ERBIN: variants seen among roughly 807,000 people sequenced by gnomAD.
ERBIN encodes erbb2 interacting protein.
In ERBIN, 60 loss-of-function variants were observed where a neutral mutation model predicts 158.4. That is an observed-to-expected ratio of 0.38 (90% CI 0.31 to 0.47). The LOEUF (loss-of-function observed/expected upper bound fraction) is 0.47. Ranked by LOEUF, ERBIN falls within the 20% of genes least tolerant of loss-of-function variation. ERBIN has a pLI of 0.99. For synonymous variants in ERBIN, 594 were observed against 557.2 expected, an observed-to-expected ratio of 1.07 and a Z score of -0.93; for missense variants, 1,610 against 1,648.0, an observed-to-expected ratio of 0.98 and a Z score of 0.40.
intron 1 of ERBIN, among the ~76,000 whole-genome samples, chr5:65,942,370 C>T (rs1745160300): frequency 6.6e-6 from 1 of 152,040 alleles, no homozygotes; most frequent in South Asian, 2.1e-4. Flanking sequence ...ATACTATTTC[C>T]CAAAGATTTT....
chr5:66,007,912 G>T (rs1022632018), intron 4 of ERBIN, among the ~76,000 whole-genome samples: 1 of 152,184 alleles, frequency 6.6e-6, no homozygotes, highest in Non-Finnish European at 1.5e-5. Flanking sequence ...ACCTACAAAT[G>T]TATGTGGTAG....
chr5:66,023,878 C>T (rs900765552), intron 9 of ERBIN, among the ~76,000 whole-genome samples: 7 of 151,910 alleles, frequency 4.6e-5, no homozygotes, highest in Admixed American at 3.3e-4. Context: ...GGGATTTCAC[C>T]GTGTTAGCCA....
chr5:66,043,092 A>T lies in ERBIN; in HGVS notation c.1322A>T (p.Asp441Val). The change falls in exon 16 of 26, where the codon GAT becomes GTT. Residue 441 changes from aspartate to valine, a missense_variant. Physicochemically the swap from Asp to Val is radical, Grantham distance 152 (BLOSUM62 -3). Transcript: ENST00000284037. The stretch of plus-strand genomic sequence containing the variant: ...TTTTCTCTAGTTATGTTTATATCAG[A>T]TAATGAAAGTTTTAACCCTTCATTG... ...PRTEDVMFIS[D>V]NESFNPSLWE... is the part of the protein sequence containing the mutation. 6.2e-7 allele frequency: 1 copy of T among 1,602,526 alleles called. No homozygotes were observed. Among genetic ancestry groups the T allele is most frequent in the Non-Finnish European group, 8.5e-7 (1 of 1,170,552 alleles).
intron 14 of ERBIN, among the ~76,000 whole-genome samples, chr5:66,029,903 TC>T (rs372469581): frequency 6.6e-6 from 1 of 152,314 alleles, no homozygotes; most frequent in East Asian, 1.9e-4. Flanking sequence ...GGGTCCTGTT[TC>T]TTACCTAGCC....
At chr5:66,030,339 G>A (rs1036418651) in intron 14 of ERBIN, among the ~76,000 whole-genome samples, 2 of 152,140 alleles carry the variant, frequency 1.3e-5, no homozygotes, top group Non-Finnish European at 2.9e-5. Flanking sequence ...ACCACGCCCA[G>A]CTTTACTGGA....
chr5:66,050,873 C>A lies in ERBIN; in HGVS notation c.1994C>A (p.Ser665Tyr). ...NSNCSSPSRM[S>Y]DSVSLNTDSS... Reference sequence around the variant, plus strand: ...AATTGTTCTTCTCCATCTCGGATGTCTGATTCAGTTTCTCTTAATACTGAT... The same window carrying A: ...AATTGTTCTTCTCCATCTCGGATGTATGATTCAGTTTCTCTTAATACTGAT... Residue 665 changes from serine to tyrosine, a missense_variant, in exon 20 of 26, where the codon TCT (serine) becomes TAT (tyrosine). This residue lies in a region of ERBIN where 1,014 missense variants were observed against 936.1 expected (regional missense o/e 1.08). Coordinates refer to ENST00000284037, the MANE Select transcript of ERBIN (RefSeq NM_001253697.2). The A allele has an allele frequency of 6.2e-7, 1 of 1,605,088 alleles. No individual in the cohort carries two copies. Among genetic ancestry groups the A allele is most frequent in the South Asian group, 1.1e-5 (1 of 89,450 alleles).
chr5:65,968,213 A>AT (rs1386287157), intron 1 of ERBIN, among the ~76,000 whole-genome samples: 1 of 152,184 alleles, frequency 6.6e-6, no homozygotes, highest in Non-Finnish European at 1.5e-5. Flanking sequence ...TTGGTTAGGG[A>AT]TTAAGTTCTA....
At chr5:65,973,081 T>TA (rs1211429918) in intron 1 of ERBIN, among the ~76,000 whole-genome samples, 1 of 150,730 alleles carries the variant, frequency 6.6e-6, no homozygotes, top group Non-Finnish European at 1.5e-5. Context: ...TATGCAGCCA[T>TA]AAAAAAGGAT....
chr5:65,941,317 A>C lies in ERBIN; in HGVS notation c.-58+14511A>C, dbSNP rs1311969771. 6.5e-5 allele frequency among the ~76,000 whole-genome samples: 3 copies of C among 45,962 alleles called. 1 individual carries two copies. Among genetic ancestry groups the C allele is most frequent in the African/African-American group, 2.5e-4 (3 of 11,868 alleles). The allele number at this position is 45,962 out of a possible 152,430, so 30.2% of individuals were successfully genotyped here. On this transcript the variant is annotated intron_variant, in intron 1 of 25. Coordinates refer to ENST00000284037, the MANE Select transcript of ERBIN (RefSeq NM_001253697.2). ...GAAACACCCAAGAATGATCAATAAA[A>C]AAAAAAAAAAAAAAAGAACAATACA...
At position 66,075,176 on chromosome 5, in the gene ERBIN, A is replaced by T. The variant is rs920833018; in HGVS notation, c.3909A>T (p.Pro1303=). 1.9e-6 allele frequency: 3 copies of T among 1,614,210 alleles called. No homozygotes were observed. The highest frequency in any genetic ancestry group is 2.5e-6 in the Non-Finnish European group (3 of 1,180,026). Residue 1303 remains proline (P), a synonymous_variant, in exon 23 of 26, where the codon CCA becomes CCT. Coordinates refer to ENST00000284037, the MANE Select transcript of ERBIN (RefSeq NM_001253697.2). The stretch of plus-strand genomic sequence containing the variant: ...TGCTGAAAGTGGCCCACCAGCCTCC[A>T]TATACACAGCCCCATTGTTCTCCTA... ...YLMLKVAHQP[P]YTQPHCSPRQ...
chr5:66,079,038 G>A lies in ERBIN; in HGVS notation c.*508G>A, dbSNP rs1379292395. The stretch of plus-strand genomic sequence containing the variant: ...ATGTGCATATTGAATTGAAGAGTGA[G>A]TAGGTGAAGGTGGTGCTGGTGGGTT... On this transcript the variant is annotated 3_prime_UTR_variant, in exon 26 of 26. Coordinates refer to ENST00000284037, the MANE Select transcript of ERBIN (RefSeq NM_001253697.2). 1 of 153,436 alleles carries A rather than the reference G, an allele frequency of 6.5e-6. No individual in the cohort carries two copies. Among genetic ancestry groups the A allele is most frequent in the Admixed American group, 6.5e-5 (1 of 15,338 alleles). 9.5% of individuals were successfully genotyped at this position (153,436 alleles called of 1,614,324 possible).
chr5:66,040,518 G>A (rs936542941), intron 15 of ERBIN, among the ~76,000 whole-genome samples: 1 of 151,860 alleles, frequency 6.6e-6, no homozygotes, highest in Non-Finnish European at 1.5e-5. Context: ...TTGAAATACA[G>A]TATCAATTAT....
chr5:65,934,383 G>A (rs1012868082), intron 1 of ERBIN, among the ~76,000 whole-genome samples: 3 of 151,836 alleles, frequency 2.0e-5, no homozygotes, highest in African/African-American at 7.3e-5. Flanking sequence ...ACATTTTGTT[G>A]TCATCTCTTT....
chr5:65,978,618 G>C (rs996781187), intron 1 of ERBIN, among the ~76,000 whole-genome samples: 1 of 152,182 alleles, frequency 6.6e-6, no homozygotes, highest in Admixed American at 6.5e-5. Flanking sequence ...CAGTATAGGC[G>C]GATAATATGG....
In ERBIN at chr5:66,048,092, A is replaced by C. The variant is rs144670757; in HGVS notation, c.1789-575A>C. ...GGAGAATGGAATGAAATGGGGAAGG[A>C]ATGATGAGAGTGAAAGAATGGCATT... On this transcript the variant is annotated intron_variant, in intron 18 of 25. Transcript: ENST00000284037. 3.0e-3 allele frequency among the ~76,000 whole-genome samples: 459 copies of C among 151,966 alleles called. 3 individuals are homozygous for C. Among genetic ancestry groups the C allele is most frequent in the Middle Eastern group, 0.017 (5 of 294 alleles).
At chr5:65,970,783 CAG>C (rs931839541) in intron 1 of ERBIN, among the ~76,000 whole-genome samples, 3 of 151,990 alleles carry the variant, frequency 2.0e-5, no homozygotes, top group Non-Finnish European at 4.4e-5. Context: ...TTTTTAGAGA[CAG>C]GGTGTTGTTG....
intron 1 of ERBIN, among the ~76,000 whole-genome samples, chr5:65,962,395 G>A (rs1030967934): frequency 6.6e-6 from 1 of 152,150 alleles, no homozygotes; most frequent in Admixed American, 6.5e-5. Context: ...GTTTACAAAT[G>A]TGTATGTGTG....
chr5:66,055,326 A>G (rs966726949), intron 21 of ERBIN, among the ~76,000 whole-genome samples: 11 of 152,330 alleles, frequency 7.2e-5, no homozygotes, highest in African/African-American at 2.4e-4. Flanking sequence ...AGTTAAGACA[A>G]TAACAAAAAA....
chr5:65,959,078 T>G (rs1747627481), intron 1 of ERBIN, among the ~76,000 whole-genome samples: 1 of 152,220 alleles, frequency 6.6e-6, no homozygotes, highest in African/African-American at 2.4e-5. Context: ...TAACTTTATT[T>G]ATACGTGTTG....
Sources: allele counts gnomAD v4.1 joint callset (sites outside exome capture counted in the v4.1 genomes callset), GRCh38; gene constraint gnomAD v4.1.1; regional missense constraint gnomAD v4.1.1; transcripts MANE v1.5; gene names NCBI Gene and HGNC (gene_info 2026-07-23, HGNC 2026-07-21).